The following CELF2 variants were observed in gnomAD, a reference collection of about 807,000 sequenced individuals.
CELF2 encodes CUGBP Elav-like family member 2.
CELF2 carries 8 observed loss-of-function variants against 62.6 expected under a neutral mutation model. The ratio of observed to expected loss-of-function variants is 0.13; its 90% CI spans 0.07 to 0.23. The LOEUF is 0.23. CELF2 is among the 10% of genes least tolerant of loss of function. The pLI is 1.00. For synonymous variants in CELF2, 258 were observed against 250.0 expected, an observed-to-expected ratio of 1.03 and a Z score of -0.30; for missense variants, 333 against 671.0, an observed-to-expected ratio of 0.50 and a Z score of 5.56.
the CELF2 span, among the ~76,000 whole-genome samples, chr10:10,754,378 C>G: frequency 6.6e-6 from 1 of 152,054 alleles, no homozygotes; most frequent in South Asian, 2.1e-4. Context: ...TCTCAAACTT[C>G]CGGACTTGAG....
At chr10:10,521,459 T>C in the CELF2 span, among the ~76,000 whole-genome samples, 3 of 152,220 alleles carry the variant, frequency 2.0e-5, no homozygotes, top group Non-Finnish European at 2.9e-5. Flanking sequence ...TCTTTATTAA[T>C]AGTATTTCAG....
chr10:10,768,165 C>CAA, the CELF2 span, among the ~76,000 whole-genome samples: 7 of 91,930 alleles, frequency 7.6e-5, no homozygotes, highest in Admixed American at 1.3e-4. Flanking sequence ...GACTCCGTCT[C>CAA]AAAAAAAAAA....
At chr10:10,959,954 C>T (rs1409074341) in intron 2 of CELF2, among the ~76,000 whole-genome samples, 1 of 152,242 alleles carries the variant, frequency 6.6e-6, no homozygotes, top group Non-Finnish European at 1.5e-5. Flanking sequence ...AGATTTGCAT[C>T]AACATGCTTT....
At chr10:10,591,173 T>C in the CELF2 span, among the ~76,000 whole-genome samples, 2 of 152,186 alleles carry the variant, frequency 1.3e-5, no homozygotes, top group Non-Finnish European at 2.9e-5. Context: ...CCTAGAAATT[T>C]CATTTAATTC....
At chr10:10,546,932 C>T in the CELF2 span, among the ~76,000 whole-genome samples, 3 of 152,046 alleles carry the variant, frequency 2.0e-5, no homozygotes, top group African/African-American at 7.2e-5. Flanking sequence ...CATGGCGAAA[C>T]CCCATCTCTA....
chr10:11,317,681 A>G (rs2095125972), intron 10 of CELF2: 1 of 152,222 alleles, frequency 6.6e-6, no homozygotes, highest in African/African-American at 2.4e-5. Flanking sequence ...CCAACAAAAG[A>G]CATTCACGCT....
At chr10:10,690,736 CT>C in the CELF2 span, among the ~76,000 whole-genome samples, 8 of 152,154 alleles carry the variant, frequency 5.3e-5, no homozygotes, top group African/African-American at 1.4e-4. Context: ...AAAAATTAGC[CT>C]GGCATGGTGA....
At chr10:11,103,728 T>G (rs2052554320) in intron 1 of CELF2, among the ~76,000 whole-genome samples, 1 of 152,126 alleles carries the variant, frequency 6.6e-6, no homozygotes. Flanking sequence ...CCCTCAAGAT[T>G]GAGTTCTGAT....
At chr10:10,663,522 TTA>T in the CELF2 span, among the ~76,000 whole-genome samples, 1 of 152,214 alleles carries the variant, frequency 6.6e-6, no homozygotes, top group Non-Finnish European at 1.5e-5. Flanking sequence ...CAAAGAATGT[TTA>T]TGTCAGTAGC....
intron 1 of CELF2, among the ~76,000 whole-genome samples, chr10:11,051,582 C>T (rs2063931332): frequency 2.0e-5 from 3 of 152,166 alleles, no homozygotes; most frequent in Non-Finnish European, 4.4e-5. Context: ...GTGCCAGGCA[C>T]CACAATGTGC....
At chr10:11,271,710 GGTGTCTCTGT>G (rs1181739531) in intron 7 of CELF2, among the ~76,000 whole-genome samples, 7 of 91,150 alleles carry the variant, frequency 7.7e-5, no homozygotes, top group African/African-American at 2.7e-4. Context: ...CCTCAGAGAG[GGTGTCTCTGT>G]GTGTGTGTGT....
chr10:10,550,823 C>T, the CELF2 span, among the ~76,000 whole-genome samples: 11 of 152,058 alleles, frequency 7.2e-5, no homozygotes, highest in Admixed American at 2.0e-4. Context: ...CTCAGCCTCC[C>T]GAGTGGCTGG....
the CELF2 span, among the ~76,000 whole-genome samples, chr10:10,620,117 G>A: frequency 2.0e-5 from 3 of 152,136 alleles, no homozygotes; most frequent in Non-Finnish European, 4.4e-5. Flanking sequence ...GTTCTCTAAG[G>A]CAAGGTTGCC....
intron 7 of CELF2, among the ~76,000 whole-genome samples, chr10:11,273,977 C>A (rs948594748): frequency 2.7e-5 from 4 of 146,090 alleles, no homozygotes; most frequent in East Asian, 2.0e-4. Context: ...CACCCCCCCC[C>A]CCCACCTTGG....
At chr10:11,184,977 T>G (rs2074443481) in intron 2 of CELF2, among the ~76,000 whole-genome samples, 1 of 152,244 alleles carries the variant, frequency 6.6e-6, no homozygotes, top group Non-Finnish European at 1.5e-5. Context: ...GAAGACTTTT[T>G]CTTTACACTG....
chr10:11,005,259 A>G (rs1000472084), upstream of CELF2: 192 of 783,248 alleles, frequency 2.5e-4, no homozygotes, highest in Admixed American at 6.5e-4. The surrounding 1 kb of genome is among the most constrained non-coding windows in gnomAD (Gnocchi z 4.3). Context: ...AGAGAGGGAG[A>G]GAGAGAGAGA....
At chr10:10,510,451 T>C in the CELF2 span, among the ~76,000 whole-genome samples, 1 of 152,214 alleles carries the variant, frequency 6.6e-6, no homozygotes, top group Non-Finnish European at 1.5e-5. Context: ...TGGCATAAAA[T>C]AGCAATATCT....
chr10:10,509,851 G>T, the CELF2 span, among the ~76,000 whole-genome samples: 1 of 152,160 alleles, frequency 6.6e-6, no homozygotes, highest in Admixed American at 6.5e-5. Context: ...ATTCCTAGAG[G>T]ACTCAAAGGA....
At chr10:10,757,268 G>A in the CELF2 span, among the ~76,000 whole-genome samples, 2 of 151,698 alleles carry the variant, frequency 1.3e-5, no homozygotes, top group Admixed American at 6.6e-5. Context: ...GACCAGCCAG[G>A]ACAACAAAGC....
Sources: allele counts gnomAD v4.1 joint callset (sites outside exome capture counted in the v4.1 genomes callset), GRCh38; gene constraint gnomAD v4.1.1; non-coding constraint Gnocchi (gnomAD v3.1); transcripts MANE v1.5; gene names NCBI Gene and HGNC (gene_info 2026-07-23, HGNC 2026-07-21).